TTC7B: variants seen among roughly 807,000 people sequenced by gnomAD.
TTC7B encodes the protein tetratricopeptide repeat protein 7B.
TTC7B carries 28 observed loss-of-function variants against 106.8 expected under a neutral mutation model. That is an observed-to-expected ratio of 0.26 (90% CI 0.19 to 0.36). The LOEUF is 0.36. TTC7B is among the 10% of genes least tolerant of loss of function. The pLI, the probability that TTC7B is intolerant of heterozygous loss-of-function variation, is 1.00. For missense variants in TTC7B, 862 were observed against 1,076.4 expected (o/e 0.80, Z 2.79); for synonymous variants, 405 against 430.6 (o/e 0.94, Z 0.74).
chr14:90,708,166 A>T (rs932079501), intron 5 of TTC7B, among the ~76,000 whole-genome samples: 68 of 151,476 alleles, frequency 4.5e-4, no homozygotes, highest in African/African-American at 1.6e-3. Context: ...AAAAAAAAAA[A>T]AAAAGTGCAA....
chr14:90,810,246 C>T (rs955401427), intron 1 of TTC7B, among the ~76,000 whole-genome samples: 1 of 152,230 alleles, frequency 6.6e-6, no homozygotes, highest in Non-Finnish European at 1.5e-5. Context: ...TTGGGAATGT[C>T]ACATAATGCC....
intron 1 of TTC7B, among the ~76,000 whole-genome samples, chr14:90,797,134 C>G (rs2029926900): frequency 6.8e-6 from 1 of 147,942 alleles, no homozygotes. Flanking sequence ...CACAAGCCAA[C>G]TTGCCTGACC....
chr14:90,798,850 G>A (rs1348725526), intron 1 of TTC7B, among the ~76,000 whole-genome samples: 1 of 151,940 alleles, frequency 6.6e-6, no homozygotes, highest in East Asian at 1.9e-4. Flanking sequence ...ACATGGACAC[G>A]ATGTAGGAGG....
chr14:90,773,437 C>A (rs1256349822), intron 3 of TTC7B, among the ~76,000 whole-genome samples: 2 of 152,146 alleles, frequency 1.3e-5, no homozygotes, highest in Non-Finnish European at 2.9e-5. Flanking sequence ...ATGCTGGAGT[C>A]CACAGGCCTT....
intron 19 of TTC7B, among the ~76,000 whole-genome samples, chr14:90,555,576 T>C (rs1349447316): frequency 6.6e-6 from 1 of 152,230 alleles, no homozygotes; most frequent in Non-Finnish European, 1.5e-5. Context: ...CTCCCTTCCC[T>C]GCAACCTGCA....
rs747952056 is a variant in TTC7B at position 90,541,361 on chromosome 14, C to T, written c.*7G>A. On this transcript the variant is annotated 3_prime_UTR_variant, in exon 20 of 20. Coordinates refer to ENST00000328459, the MANE Select transcript of TTC7B (RefSeq NM_001010854.2). ...CTGAGCGGCAGGTGAGGCTGGCAGG[C>T]GCCTGCTCAGAGCACGCGGGGGATG... is the stretch of plus-strand genomic sequence containing the variant. 9 of 1,567,092 alleles carry T rather than the reference C, an allele frequency of 5.7e-6. No homozygotes were observed. The highest frequency in any genetic ancestry group is 4.0e-5 in the African/African-American group (3 of 74,564).
intron 1 of TTC7B, among the ~76,000 whole-genome samples, chr14:90,796,523 G>T (rs555800873): frequency 1.7e-4 from 26 of 152,196 alleles, no homozygotes; most frequent in Non-Finnish European, 3.7e-4. Flanking sequence ...ACCCGGGGAA[G>T]GTGGGGCTGT....
intron 19 of TTC7B, among the ~76,000 whole-genome samples, chr14:90,564,912 T>A (rs1890726420): frequency 1.3e-5 from 2 of 152,102 alleles, no homozygotes; most frequent in Non-Finnish European, 2.9e-5. Context: ...CCTCAAAAAA[T>A]AAATAAATAA....
chr14:90,599,731 CACCT>C (rs1288588913), intron 17 of TTC7B, among the ~76,000 whole-genome samples: 1 of 152,240 alleles, frequency 6.6e-6, no homozygotes, highest in African/African-American at 2.4e-5. Flanking sequence ...ATGCAGAAAT[CACCT>C]GCTGCTAATG....
chr14:90,673,003 G>A (rs1886689885), intron 9 of TTC7B, among the ~76,000 whole-genome samples: 1 of 152,138 alleles, frequency 6.6e-6, no homozygotes, highest in African/African-American at 2.4e-5. Context: ...TTAATGATGT[G>A]CCTAGGCTCA....
In TTC7B at chr14:90,805,561, C is replaced by T. The variant is rs1165419397; in HGVS notation, c.121+10614G>A. The stretch of plus-strand genomic sequence containing the variant: ...GATTGCAGGCATGAGCCACCGCGCC[C>T]GGCCTAAACCTCACCTCTATCTGCA... On this transcript the variant is annotated intron_variant, in intron 1 of 19. Transcript: ENST00000328459. The surrounding 1 kb of genome is among the most constrained non-coding windows in gnomAD (Gnocchi z 4.0). 6.6e-6 allele frequency among the ~76,000 whole-genome samples: 1 copy of T among 152,174 alleles called. No homozygotes were observed. The highest frequency in any genetic ancestry group is 1.5e-5 in the Non-Finnish European group (1 of 68,028).
rs1435506074 is a variant in TTC7B at position 90,525,987 on chromosome 14, A to T, written c.*15381T>A. The T allele has an allele frequency of 2.0e-5, 3 of 151,920 alleles. 1 individual carries two copies. The highest frequency in any genetic ancestry group is 4.4e-5 in the Non-Finnish European group (3 of 67,994). The allele number at this position is 151,920 out of a possible 1,614,324, so 9.4% of individuals were successfully genotyped here. On this transcript the variant is annotated 3_prime_UTR_variant, in exon 20 of 20. Transcript: ENST00000328459. Reference sequence around the variant, plus strand: ...AATAAAAAAAAATAAAAAAAATAAAAAAAAAAAAGAAGTCTTTGTATTTTA... The same window carrying T: ...AATAAAAAAAAATAAAAAAAATAAATAAAAAAAAGAAGTCTTTGTATTTTA...
At position 90,809,998 on chromosome 14, in the gene TTC7B, A is replaced by G. The variant is rs767181801; in HGVS notation, c.121+6177T>C. Reference sequence around the variant, plus strand: ...TTCATTTGATCCTTACAACCTCCCTATAAGTTTGGCACTATTATTACAGGT... The same window carrying G: ...TTCATTTGATCCTTACAACCTCCCTGTAAGTTTGGCACTATTATTACAGGT... On this transcript the variant is annotated intron_variant, in intron 1 of 19. Transcript: ENST00000328459. Among the ~76,000 whole-genome samples the G allele has an allele frequency of 4.6e-5, 7 of 152,242 alleles. No homozygotes were observed. In the East Asian group the frequency reaches 5.8e-4, roughly 13 times the overall value.
rs927586517 is a variant in TTC7B, at chr14:90,537,597, C to T, written c.*3771G>A. 2 of 152,370 alleles carry T rather than the reference C, an allele frequency of 1.3e-5. No homozygotes were observed. The allele number at this position is 152,370 out of a possible 1,614,324, so 9.4% of individuals were successfully genotyped here. A position where few individuals can be genotyped will look rare whatever the true frequency, so the allele number is the denominator to read the frequency against. ...TGTTAAACTTCTGACCTCTTCTCAT[C>T]CTTCACCACCTGACCATCCCCCTCC... is the stretch of plus-strand genomic sequence containing the variant. On this transcript the variant is annotated 3_prime_UTR_variant, in exon 20 of 20. Transcript: ENST00000328459.
intron 15 of TTC7B, among the ~76,000 whole-genome samples, chr14:90,634,448 A>G (rs994951530): frequency 2.6e-5 from 4 of 152,112 alleles, no homozygotes; most frequent in Non-Finnish European, 5.9e-5. Flanking sequence ...TAAGTAAAAA[A>G]AAAAAGACCT....
intron 2 of TTC7B, among the ~76,000 whole-genome samples, chr14:90,784,594 TG>T (rs1184068890): frequency 2.0e-5 from 3 of 150,552 alleles, no homozygotes; most frequent in Non-Finnish European, 3.0e-5. Flanking sequence ...GAGATGGAGA[TG>T]GGGTTTCGCC....
At chr14:90,705,788 T>C (rs1888182155) in intron 5 of TTC7B, among the ~76,000 whole-genome samples, 1 of 152,198 alleles carries the variant, frequency 6.6e-6, no homozygotes, top group Admixed American at 6.5e-5. Flanking sequence ...TTGTCCACTT[T>C]TTTTCACTTG....
At chr14:90,581,591 T>A (rs1051203747) in intron 18 of TTC7B, among the ~76,000 whole-genome samples, 2 of 151,816 alleles carry the variant, frequency 1.3e-5, no homozygotes, top group East Asian at 3.9e-4. Flanking sequence ...AAGCTGGGAG[T>A]GAGTTCACTT....
At chr14:90,777,235 G>T (rs908251365) in intron 3 of TTC7B, among the ~76,000 whole-genome samples, 3 of 152,028 alleles carry the variant, frequency 2.0e-5, no homozygotes, top group Non-Finnish European at 4.4e-5. Flanking sequence ...GCGAGACTCC[G>T]TTTTTTTATT....
Sources: gnomAD v4.1 joint callset for allele counts (sites outside exome capture counted in the v4.1 genomes callset) on GRCh38, gnomAD v4.1.1 for gene constraint, Gnocchi (gnomAD v3.1) non-coding constraint, MANE v1.5 for transcripts, NCBI Gene and HGNC (gene_info 2026-07-23, HGNC 2026-07-21) for gene names.